Variants in EIF2AK4 observed in about 807,000 individuals in gnomAD.
EIF2AK4 encodes eukaryotic translation initiation factor 2 alpha kinase 4, also known as eIF-2-alpha kinase GCN2.
In EIF2AK4, 139 loss-of-function variants were observed where a neutral mutation model predicts 211.1. That is an observed-to-expected ratio of 0.66 (90% CI 0.57 to 0.76). The LOEUF is 0.76. Ranked by LOEUF, EIF2AK4 falls within the 30% of genes least tolerant of loss-of-function variation. The pLI, the probability that EIF2AK4 is intolerant of heterozygous loss-of-function variation, is 0.00. For missense variants in EIF2AK4, 1,664 were observed against 2,043.8 expected (o/e 0.81, Z 3.58); for synonymous variants, 710 against 751.3 (o/e 0.94, Z 0.90).
intron 6 of EIF2AK4, among the ~76,000 whole-genome samples, 191 bp from the exon 7 acceptor site, chr15:39,961,593 C>T (rs1256195364): frequency 2.6e-5 from 4 of 152,122 alleles, no homozygotes. Flanking sequence ...GAATGGCTTT[C>T]CCATTAGCAC....
chr15:39,937,774 G>A (rs770751699), intron 1 of EIF2AK4, among the ~76,000 whole-genome samples: 6 of 151,758 alleles, frequency 4.0e-5, no homozygotes, highest in Admixed American at 1.3e-4. Flanking sequence ...CCACCTCCCC[G>A]TGTGCATCCC....
At chr15:40,007,179 G>A (rs956659707) in intron 24 of EIF2AK4, 114 bp downstream of exon 24, 1 of 981,684 alleles carries the variant, frequency 1.0e-6, no homozygotes. Flanking sequence ...AGAATTCTGG[G>A]TTCAGAATAT....
chr15:39,983,881 T>C (rs2034829008), intron 13 of EIF2AK4, among the ~76,000 whole-genome samples: 1 of 152,248 alleles, frequency 6.6e-6, no homozygotes, highest in Non-Finnish European at 1.5e-5. Flanking sequence ...CAATTTTGGC[T>C]TTTATTGCCA....
intron 4 of EIF2AK4, among the ~76,000 whole-genome samples, chr15:39,952,961 C>T (rs1273408292): frequency 6.6e-6 from 1 of 152,150 alleles, no homozygotes; most frequent in Non-Finnish European, 1.5e-5. Context: ...AATTCTCCTG[C>T]CTCAGCCTCC....
intron 13 of EIF2AK4, among the ~76,000 whole-genome samples, chr15:39,985,121 T>C (rs537888962): frequency 2.9e-4 from 44 of 152,366 alleles, no homozygotes; most frequent in Admixed American, 2.7e-3. Flanking sequence ...ATATGGTTTT[T>C]GTCATTGGTT....
chr15:40,003,786 A>C (rs905653887), intron 23 of EIF2AK4, among the ~76,000 whole-genome samples: 1 of 152,214 alleles, frequency 6.6e-6, no homozygotes, highest in Non-Finnish European at 1.5e-5. Flanking sequence ...ACCCCCAGGG[A>C]TCCTGTCGAC....
Position 39,953,814 on chromosome 15 carries a change from G to T in EIF2AK4, c.514-90G>T, listed in dbSNP as rs2034352898. On this transcript the variant is annotated intron_variant, in intron 4 of 38. Transcript: ENST00000263791. ...TTAGGAAGAGAGGGTTTGAATTATT[G>T]AAAGTTAAAAGATTTTTCTGTAGTT... 3 of 1,302,094 alleles carry T rather than the reference G, an allele frequency of 2.3e-6. No individual in the cohort carries two copies. The African/African-American group carries it at 4.4e-5, about 19-fold the overall frequency. The allele number at this position is 1,302,094 out of a possible 1,614,324, so 80.7% of individuals were successfully genotyped here.
intron 4 of EIF2AK4, among the ~76,000 whole-genome samples, chr15:39,951,943 G>A (rs544194247): frequency 3.3e-5 from 5 of 152,294 alleles, no homozygotes; most frequent in Non-Finnish European, 7.3e-5. Context: ...TCAATGATCT[G>A]TTCAACTCAT....
chr15:40,022,212 GTGTA>G lies in EIF2AK4; in HGVS notation c.4303-303_4303-300del, dbSNP rs1482064491. 370 of 236,930 alleles carry G rather than the reference GTGTA, an allele frequency of 1.6e-3. 34 individuals are homozygous for G. Among genetic ancestry groups the G allele is most frequent in the South Asian group, 3.9e-3 (69 of 17,610 alleles). The allele number at this position is 236,930 out of a possible 1,614,324, so 14.7% of individuals were successfully genotyped here. A position where few individuals can be genotyped will look rare whatever the true frequency, so the allele number is the denominator to read the frequency against. ...TGTGTGTGTGTGTGTGTGTGTGTGT[GTGTA>G]TGTTGTGTTGTATAATTTTGGGCAT... On this transcript the variant is annotated intron_variant, in intron 31 of 38. Coordinates refer to ENST00000263791, the MANE Select transcript of EIF2AK4 (RefSeq NM_001013703.4).
intron 32 of EIF2AK4, among the ~76,000 whole-genome samples, chr15:40,024,403 C>CTTTTTTTTTTTTTT (rs554877205): frequency 1.1e-5 from 1 of 90,742 alleles, no homozygotes; most frequent in Non-Finnish European, 2.1e-5. Flanking sequence ...TTGAGTTTTC[C>CTTTTTTTTTTTTTT]TTTTTTTTTT....
intron 32 of EIF2AK4, among the ~76,000 whole-genome samples, chr15:40,025,282 G>T (rs2035451758): frequency 6.6e-6 from 1 of 152,188 alleles, no homozygotes; most frequent in South Asian, 2.1e-4. Context: ...AAGGAATCTG[G>T]TTTTTTTATT....
Position 40,020,817 on chromosome 15 carries a change from C to T in EIF2AK4, c.4174-82C>T. 2.3e-6 allele frequency: 3 copies of T among 1,317,910 alleles called. No individual in the cohort carries two copies. In the South Asian group the frequency reaches 5.1e-5, roughly 22 times the overall value. The allele number at this position is 1,317,910 out of a possible 1,614,324, so 81.6% of individuals were successfully genotyped here. A position where few individuals can be genotyped will look rare whatever the true frequency, so the allele number is the denominator to read the frequency against. On this transcript the variant is annotated intron_variant, in intron 30 of 38. Coordinates refer to ENST00000263791, the MANE Select transcript of EIF2AK4 (RefSeq NM_001013703.4). ...AAGAATGCCCATCTTCCCAAGAGTG[C>T]TGCCTCCCCTCCTGATGCTGGTTTC...
rs572479456 is a variant in EIF2AK4 at position 39,973,680 on chromosome 15, T to C, written c.1749T>C (p.Phe583=). The change falls in exon 11 of 39, where the codon TTT becomes TTC. Residue 583 remains phenylalanine, a synonymous_variant. Coordinates refer to ENST00000263791, the MANE Select transcript of EIF2AK4 (RefSeq NM_001013703.4). The part of the protein sequence containing the change: ...AAFFSETQRQ[F]SRYFIEFEEL... ...TCTTTAGTGAGACACAGAGACAGTTTTCCCGATACTTCATTGAGTTTGAAG... is the reference window on the plus strand; with the variant it reads ...TCTTTAGTGAGACACAGAGACAGTTCTCCCGATACTTCATTGAGTTTGAAG... The C allele has an allele frequency of 9.3e-6, 15 of 1,614,190 alleles. No homozygotes were observed. The African/African-American group carries it at 1.7e-4, about 19-fold the overall frequency.
chr15:39,973,467 G>T (rs1222957808), intron 10 of EIF2AK4, 125 bp from the exon 11 acceptor site: 3 of 1,001,914 alleles, frequency 3.0e-6, no homozygotes, highest in Non-Finnish European at 4.4e-6. Flanking sequence ...GGCCACTCAG[G>T]TAAGAGGTAA....
At chr15:39,964,587 T>C (rs1179723021) in intron 7 of EIF2AK4, among the ~76,000 whole-genome samples, 1 of 152,202 alleles carries the variant, frequency 6.6e-6, no homozygotes, top group African/African-American at 2.4e-5. Flanking sequence ...CAAGGTGTTA[T>C]ATATATGCTA....
chr15:40,026,167 A>G, intron 33 of EIF2AK4, 78 bp downstream of exon 33: 1 of 1,344,736 alleles, frequency 7.4e-7, no homozygotes, highest in Non-Finnish European at 1.0e-6. Flanking sequence ...TTTAAAAGTC[A>G]ATTTGAGCCA....
rs759591612 is a variant in EIF2AK4, at chr15:39,967,454, C to T, written c.1128C>T (p.Asp376=). The part of the protein sequence containing the change: ...LKEQDDSIVV[D]ILVEHISGVS... ...AGCAAGACGACTCCATCGTGGTGGA[C>T]ATTTTAGTGGAGCACATTAGTGGGG... Residue 376 remains aspartate, a synonymous_variant, in exon 9 of 39, where the codon GAC becomes GAT. Coordinates refer to ENST00000263791, the MANE Select transcript of EIF2AK4 (RefSeq NM_001013703.4). The T allele has an allele frequency of 3.0e-5, 48 of 1,613,834 alleles. 1 individual carries two copies. The South Asian group carries it at 5.1e-4, about 17-fold the overall frequency.
intron 12 of EIF2AK4, chr15:39,977,093 AGG>A (rs966438103): frequency 4.9e-6 from 2 of 406,498 alleles, no homozygotes; most frequent in African/African-American, 4.1e-5. Flanking sequence ...GCCAGGGAAA[AGG>A]GGATTCATTT....
chr15:39,934,213 G>C lies in EIF2AK4; in HGVS notation c.18G>C (p.Gly6=), dbSNP rs1334881640. The C allele has an allele frequency of 6.3e-7, 1 of 1,580,796 alleles. No homozygotes were observed. The highest frequency in any genetic ancestry group is 1.1e-5 in the South Asian group (1 of 87,872). The part of the protein sequence containing the change: MAGGR[G]APGRGRDEPP... Reference sequence around the variant, plus strand: ...GCGCTGCCATGGCTGGGGGCCGTGGGGCCCCCGGGCGCGGCCGGGACGAGC... The same window carrying C: ...GCGCTGCCATGGCTGGGGGCCGTGGCGCCCCCGGGCGCGGCCGGGACGAGC... Residue 6 remains glycine, a synonymous_variant, in exon 1 of 39, where the codon GGG becomes GGC. Transcript: ENST00000263791.
Sources: allele counts gnomAD v4.1 joint callset (sites outside exome capture counted in the v4.1 genomes callset), GRCh38; gene constraint gnomAD v4.1.1; transcripts MANE v1.5; gene names NCBI Gene and HGNC (gene_info 2026-07-23, HGNC 2026-07-21).